Variants in NBPF3 observed in about 807,000 individuals in gnomAD.
NBPF3 encodes the protein NBPF member 3, also known as NBPF family member NBPF3.
In NBPF3, 57 loss-of-function variants were observed where a neutral mutation model predicts 78.1. That is an observed-to-expected ratio of 0.73 (90% CI 0.59 to 0.91). NBPF3 has a LOEUF of 0.91. Ranked by LOEUF, NBPF3 falls within the 40% of genes least tolerant of loss-of-function variation. The probability of loss-of-function intolerance (pLI) is 0.00; values close to 1 mark genes in which losing one functional copy is unlikely to be tolerated. For missense variants in NBPF3, 510 were observed against 715.3 expected (o/e 0.71, Z 3.27); for synonymous variants, 182 against 271.7 (o/e 0.67, Z 3.25).
At chr1:21,440,642 T>G (rs1640583223) in intron 1 of NBPF3, among the ~76,000 whole-genome samples, 1 of 152,152 alleles carries the variant, frequency 6.6e-6, no homozygotes, top group African/African-American at 2.4e-5. Context: ...CACGTCCTCC[T>G]ATATCCTGTA....
intron 6 of NBPF3, among the ~76,000 whole-genome samples, chr1:21,473,169 A>T (rs959154266): frequency 6.6e-6 from 1 of 152,156 alleles, no homozygotes; most frequent in African/African-American, 2.4e-5. Context: ...AGTGCAATGA[A>T]CACCAGTTGC....
intron 4 of NBPF3, among the ~76,000 whole-genome samples, chr1:21,471,297 A>G (rs143733350): frequency 3.9e-5 from 6 of 152,260 alleles, no homozygotes; most frequent in Middle Eastern, 3.4e-3. Context: ...TCTTTTTGAA[A>G]CTGAATGAGG....
chr1:21,478,062 C>T, intron 8 of NBPF3, 82 bp from the exon 9 acceptor site: 1 of 1,611,372 alleles, frequency 6.2e-7, no homozygotes, highest in Non-Finnish European at 8.5e-7. Context: ...ATTCTGTCTC[C>T]CATCAGATCA....
At chr1:21,471,859 G>T in intron 5 of NBPF3, 76 bp downstream of exon 5, 1 of 1,566,182 alleles carries the variant, frequency 6.4e-7, no homozygotes, top group Non-Finnish European at 8.8e-7. Context: ...CTTTCACAAT[G>T]ACATTTGTAT....
intron 2 of NBPF3, among the ~76,000 whole-genome samples, chr1:21,448,572 C>T (rs151250110): frequency 5.6e-4 from 86 of 152,242 alleles, no homozygotes; most frequent in African/African-American, 1.9e-3. Flanking sequence ...TAGTGCCAGA[C>T]GTCAGGGGGG....
chr1:21,467,397 C>G, intron 2 of NBPF3: 1 of 985,766 alleles, frequency 1.0e-6, no homozygotes, highest in Non-Finnish European at 1.2e-6. Flanking sequence ...GGGATGAAAG[C>G]TGAGAAAGTG....
Position 21,481,789 on chromosome 1 carries a change from G to C in NBPF3, c.1606+20G>C. The C allele has an allele frequency of 2.7e-6, 2 of 736,820 alleles. 1 individual carries two copies. 45.6% of individuals were successfully genotyped at this position (736,820 alleles called of 1,614,324 possible). Reference sequence around the variant, plus strand: ...TGGATGGTGAGTACCTTTCTATGAGGGTGATAAGGATCCACTGAGTTTTCC... The same window carrying C: ...TGGATGGTGAGTACCTTTCTATGAGCGTGATAAGGATCCACTGAGTTTTCC... On this transcript the variant is annotated intron_variant, in intron 13 of 14. Coordinates refer to ENST00000318249, the MANE Select transcript of NBPF3 (RefSeq NM_032264.6).
In NBPF3 at chr1:21,474,951, G is replaced by C. The variant is rs796921811; in HGVS notation, c.992G>C (p.Arg331Thr). The C allele has an allele frequency of 6.4e-7, 1 of 1,558,372 alleles. No individual in the cohort carries two copies. The highest frequency in any genetic ancestry group is 1.1e-5 in the South Asian group (1 of 88,972). ...QEEEKGPVSPRNLQESEEEEA... is the reference protein window; with the variant it reads ...QEEEKGPVSPTNLQESEEEEA... ...GAAGAAAAAGGGCCAGTGTCTCCCA[G>C]GTAATGCCATGGAATTGTGGGCTGT... Residue 331 changes from arginine to threonine, a missense_variant and splice_region_variant, in exon 8 of 15, where the codon AGG becomes ACG. Physicochemically the swap from Arg to Thr is moderately conservative, Grantham distance 71 (BLOSUM62 -1). Transcript: ENST00000318249.
chr1:21,443,644 C>T (rs1229611881), intron 1 of NBPF3, among the ~76,000 whole-genome samples: 2 of 151,502 alleles, frequency 1.3e-5, no homozygotes, highest in Non-Finnish European at 2.9e-5. Context: ...GACAGTGTCT[C>T]GCTCTGTTGC....
chr1:21,468,843 A>G lies in NBPF3; in HGVS notation c.289A>G (p.Lys97Glu). The change falls in exon 3 of 15, where the codon AAA (lysine) becomes GAA (glutamate). Residue 97 changes from lysine (K) to glutamate (E), a missense_variant. Transcript: ENST00000318249. ...ACAGCAGTTCAGAAACCTCAAACAG[A>G]AATGTCTTGTAACTCAAGTGGCCTA... ...NKQQFRNLKQ[K>E]CLVTQVAYFL... The G allele has an allele frequency of 6.2e-7, 1 of 1,614,190 alleles. No homozygotes were observed.
intron 3 of NBPF3, 98 bp downstream of exon 3, chr1:21,468,995 C>T (rs1260304586): frequency 3.1e-6 from 3 of 953,270 alleles, no homozygotes; most frequent in East Asian, 4.9e-5. Context: ...AAGTTCAACC[C>T]TCCCATACTT....
chr1:21,479,676 T>C (rs1020427025), intron 10 of NBPF3, among the ~76,000 whole-genome samples: 9 of 152,116 alleles, frequency 5.9e-5, no homozygotes, highest in African/African-American at 2.2e-4. Flanking sequence ...TTATGCAAAA[T>C]TGTTGAGCCC....
intron 2 of NBPF3, among the ~76,000 whole-genome samples, chr1:21,458,382 T>C (rs1195891860): frequency 4.3e-5 from 6 of 138,216 alleles, no homozygotes; most frequent in Non-Finnish European, 6.5e-5. Context: ...TTTTTTTTTT[T>C]CCTCTTAATA....
chr1:21,475,274 C>T (rs1351880432), intron 8 of NBPF3, among the ~76,000 whole-genome samples: 1 of 152,178 alleles, frequency 6.6e-6, no homozygotes, highest in Non-Finnish European at 1.5e-5. Flanking sequence ...CAGTTCTGCT[C>T]TGATCTTAGT....
At chr1:21,478,597 A>G (rs1299775689) in intron 9 of NBPF3, among the ~76,000 whole-genome samples, 1 of 152,254 alleles carries the variant, frequency 6.6e-6, no homozygotes, top group Non-Finnish European at 1.5e-5. Context: ...CAAGCTGTGC[A>G]GCATATGTCC....
chr1:21,445,132 G>A lies in NBPF3; in HGVS notation c.46G>A (p.Gly16Ser). 2 of 1,611,900 alleles carry A rather than the reference G, an allele frequency of 1.2e-6. No homozygotes were observed. Among genetic ancestry groups the A allele is most frequent in the Non-Finnish European group, 1.7e-6 (2 of 1,179,840 alleles). The stretch of plus-strand genomic sequence containing the variant: ...CCAGGGCTTCCAGTGGACTCTCCGA[G>A]GCCCTGATGTAGAAACTTCCCCATT... ...TVQGFQWTLRGPDVETSPFGA... is the reference protein window; with the variant it reads ...TVQGFQWTLRSPDVETSPFGA... The change falls in exon 2 of 15, where the codon GGC becomes AGC. Residue 16 changes from glycine (G) to serine (S), a missense_variant. Physicochemically the swap from Gly to Ser is moderately conservative, Grantham distance 56 (BLOSUM62 0). Coordinates refer to ENST00000318249, the MANE Select transcript of NBPF3 (RefSeq NM_032264.6).
At chr1:21,459,731 A>G in intron 2 of NBPF3, 2 of 374,048 alleles carry the variant, frequency 5.3e-6, no homozygotes, top group Non-Finnish European at 1.1e-5. Context: ...TGCCATGGAC[A>G]GCTTCTTTGC....
At chr1:21,465,004 C>CAAAAAA (rs10531760) in intron 2 of NBPF3, among the ~76,000 whole-genome samples, 1 of 99,278 alleles carries the variant, frequency 1.0e-5, no homozygotes, top group African/African-American at 4.2e-5. Context: ...GACCCTGTCT[C>CAAAAAA]AAAAAAAAAA....
At chr1:21,441,838 C>T (rs1234432662) in intron 1 of NBPF3, among the ~76,000 whole-genome samples, 1 of 151,390 alleles carries the variant, frequency 6.6e-6, no homozygotes, top group African/African-American at 2.4e-5. Context: ...AATGATAAAA[C>T]TTTAGTATTA....
Sources: gnomAD v4.1 joint callset for allele counts (sites outside exome capture counted in the v4.1 genomes callset) on GRCh38, gnomAD v4.1.1 for gene constraint, MANE v1.5 for transcripts, NCBI Gene and HGNC (gene_info 2026-07-23, HGNC 2026-07-21) for gene names.